NAXD: variants seen among roughly 807,000 people sequenced by gnomAD.
NAXD encodes NAD(P)HX dehydratase.
Under a neutral mutation model 35.8 loss-of-function variants are expected in NAXD, and 22 were observed. That is an observed-to-expected ratio of 0.62 (90% confidence interval 0.44 to 0.88). The LOEUF (loss-of-function observed/expected upper bound fraction) is 0.88. NAXD is among the 40% of genes least tolerant of loss of function. The pLI, the probability that NAXD is intolerant of heterozygous loss-of-function variation, is 0.00. For synonymous variants in NAXD, 189 were observed against 177.6 expected (o/e 1.06, Z -0.51); for missense variants, 428 against 437.7 (o/e 0.98, Z 0.20).
At chr13:110,629,043 C>T (rs1886607858) in intron 5 of NAXD, among the ~76,000 whole-genome samples, 1 of 152,230 alleles carries the variant, frequency 6.6e-6, no homozygotes, top group Non-Finnish European at 1.5e-5. Context: ...TTGCCGTGGT[C>T]TTGAGAGCCC....
chr13:110,625,577 G>A (rs1441749311), intron 4 of NAXD, among the ~76,000 whole-genome samples: 5 of 152,352 alleles, frequency 3.3e-5, no homozygotes, highest in African/African-American at 9.6e-5. Context: ...AGGTGGAAAC[G>A]AAGGGCCTCT....
chr13:110,615,746 C>G, intron 1 of NAXD, 99 bp downstream of exon 1: 1 of 1,472,982 alleles, frequency 6.8e-7, no homozygotes, highest in Non-Finnish European at 9.0e-7. Context: ...CGGCCGCACT[C>G]GCGCTGTACG....
intron 3 of NAXD, 73 bp from the exon 4 acceptor site, chr13:110,625,117 G>C: frequency 9.2e-7 from 1 of 1,084,450 alleles, no homozygotes; most frequent in Non-Finnish European, 1.4e-6. Context: ...ATGAGCGCTG[G>C]ACGCCTGTGT....
At chr13:110,623,712 G>A (rs1016430803) in intron 2 of NAXD, among the ~76,000 whole-genome samples, 3 of 152,210 alleles carry the variant, frequency 2.0e-5, no homozygotes, top group South Asian at 2.1e-4. Flanking sequence ...GTAAAAGATC[G>A]ACATTTCTGG....
chr13:110,631,981 TTTAAA>T (rs1332951785), intron 5 of NAXD, among the ~76,000 whole-genome samples: 6 of 152,244 alleles, frequency 3.9e-5, no homozygotes, highest in Non-Finnish European at 7.3e-5. Flanking sequence ...TTTTCAATAC[TTTAAA>T]TTATTCTTAG....
intron 5 of NAXD, among the ~76,000 whole-genome samples, chr13:110,633,619 A>G (rs1886805746): frequency 1.3e-5 from 2 of 152,182 alleles, no homozygotes; most frequent in African/African-American, 4.8e-5. Context: ...TTCTATTTTA[A>G]TGTTTTGTAT....
chr13:110,626,534 C>T (rs1292147697), intron 4 of NAXD, among the ~76,000 whole-genome samples: 3 of 107,106 alleles, frequency 2.8e-5, no homozygotes, highest in South Asian at 3.3e-4. Context: ...AGCTGGAAGA[C>T]GAGGGAGTAA....
chr13:110,630,284 T>C (rs1226777318), intron 5 of NAXD, among the ~76,000 whole-genome samples: 1 of 152,176 alleles, frequency 6.6e-6, no homozygotes, highest in African/African-American at 2.4e-5. Context: ...CGCCTCAGCC[T>C]CCCAAAGTGC....
At chr13:110,637,286 G>A (rs780710325) in intron 9 of NAXD, 37 bp downstream of exon 9, 8 of 1,612,434 alleles carry the variant, frequency 5.0e-6, no homozygotes, top group South Asian at 3.3e-5. Flanking sequence ...CTTTGAAACC[G>A]TCTGATTTTT....
chr13:110,617,200 A>G (rs1326052316), intron 1 of NAXD, among the ~76,000 whole-genome samples: 3 of 152,232 alleles, frequency 2.0e-5, no homozygotes, highest in African/African-American at 7.2e-5. Flanking sequence ...TAAATTAGTT[A>G]TAACTCACAT....
intron 3 of NAXD, among the ~76,000 whole-genome samples, chr13:110,624,482 G>A (rs1239909183): frequency 6.6e-6 from 1 of 152,122 alleles, no homozygotes; most frequent in African/African-American, 2.4e-5. Context: ...TTTTGAGACA[G>A]AGTTTCGCTC....
Position 110,639,768 on chromosome 13 carries a change from G to A in NAXD, c.*1240G>A, listed in dbSNP as rs150669743. The stretch of plus-strand genomic sequence containing the variant: ...TTTTTGGCCTGATGATGACTCTTGA[G>A]TGATACCCTGTGATGCAGACATGCC... On this transcript the variant is annotated 3_prime_UTR_variant, in exon 10 of 10. Coordinates refer to ENST00000680254, the MANE Select transcript of NAXD (RefSeq NM_001242882.2). The A allele has an allele frequency of 6.6e-6, 1 of 152,184 alleles. No individual in the cohort carries two copies. Among genetic ancestry groups the A allele is most frequent in the African/African-American group, 2.4e-5 (1 of 41,514 alleles). The allele number at this position is 152,184 out of a possible 1,614,324, so 9.4% of individuals were successfully genotyped here.
At position 110,624,148 on chromosome 13, in the gene NAXD, C is replaced by A. The variant is rs1886370379; in HGVS notation, c.198-86C>A. ...TAAACCATGTCTATATTATTTATGT[C>A]TATTTTTTATTGATAACCTATTTAT... On this transcript the variant is annotated intron_variant, in intron 2 of 9. Coordinates refer to ENST00000680254, the MANE Select transcript of NAXD (RefSeq NM_001242882.2). 5 of 785,522 alleles carry A rather than the reference C, an allele frequency of 6.4e-6. 1 individual carries two copies. In the South Asian group the frequency reaches 7.5e-5, roughly 12 times the overall value. 48.7% of individuals were successfully genotyped at this position (785,522 alleles called of 1,614,324 possible). A position where few individuals can be genotyped will look rare whatever the true frequency, so the allele number is the denominator to read the frequency against.
At chr13:110,627,342 A>G (rs1361146106) in intron 4 of NAXD, 97 bp from the exon 5 acceptor site, 2 of 753,012 alleles carry the variant, frequency 2.7e-6, no homozygotes, top group African/African-American at 1.8e-5. Flanking sequence ...ATTACTATTT[A>G]TAAGTTATTT....
chr13:110,637,104 C>G (rs201905540), intron 8 of NAXD, 25 bp from the exon 9 acceptor site: 2 of 1,588,698 alleles, frequency 1.3e-6, no homozygotes, highest in African/African-American at 2.7e-5. Flanking sequence ...ATGCTGACAC[C>G]TGCTCTCACT....
chr13:110,627,027 C>T (rs775931540), intron 4 of NAXD, among the ~76,000 whole-genome samples: 19 of 152,160 alleles, frequency 1.2e-4, no homozygotes, highest in Non-Finnish European at 2.1e-4. Flanking sequence ...TCTAACTTGT[C>T]GTAACTGTTG....
rs773988181 is a variant in NAXD at position 110,638,575 on chromosome 13, G to A, written c.*47G>A. The A allele has an allele frequency of 6.9e-6, 11 of 1,604,812 alleles. No individual in the cohort carries two copies. The highest frequency in any genetic ancestry group is 6.7e-5 in the Admixed American group (4 of 59,974). On this transcript the variant is annotated 3_prime_UTR_variant, in exon 10 of 10. Transcript: ENST00000680254. The surrounding 1 kb of genome is among the most constrained non-coding windows in gnomAD (Gnocchi z 5.4). ...ACAGGCACCTTGGACGGGGGAGAGC[G>A]TGTGTGTGATGGGAAAATCCGGACC...
chr13:110,638,189 G>T lies in NAXD; in HGVS notation c.840-189G>T. 2.7e-6 allele frequency: 4 copies of T among 1,493,158 alleles called. No individual in the cohort carries two copies. The highest frequency in any genetic ancestry group is 2.6e-5 in the South Asian group (2 of 75,516). The allele number at this position is 1,493,158 out of a possible 1,614,324, so 92.5% of individuals were successfully genotyped here. On this transcript the variant is annotated intron_variant, in intron 9 of 9. Transcript: ENST00000680254. The surrounding 1 kb of genome is among the most constrained non-coding windows in gnomAD (Gnocchi z 5.4). Reference sequence around the variant, plus strand: ...TTTCCTGTGTGCCTCCTGCCAGGGAGTAGTGGAGGGTTAATGGTGGTTTTC... The same window carrying T: ...TTTCCTGTGTGCCTCCTGCCAGGGATTAGTGGAGGGTTAATGGTGGTTTTC...
intron 8 of NAXD, among the ~76,000 whole-genome samples, chr13:110,636,807 C>T (rs941518974): frequency 6.6e-5 from 10 of 152,222 alleles, no homozygotes; most frequent in African/African-American, 2.2e-4. Flanking sequence ...AGGCTGGCGC[C>T]GCCCTGCTCA....
Sources: allele counts gnomAD v4.1 joint callset (sites outside exome capture counted in the v4.1 genomes callset), GRCh38; gene constraint gnomAD v4.1.1; non-coding constraint Gnocchi (gnomAD v3.1); transcripts MANE v1.5; gene names NCBI Gene and HGNC (gene_info 2026-07-23, HGNC 2026-07-21).